The following TBXAS1 variants were observed in gnomAD, a reference collection of about 807,000 sequenced individuals.
TBXAS1 encodes the protein thromboxane-A synthase.
A neutral mutation model predicts 60.7 loss-of-function variants in TBXAS1; 48 were observed. The observed-to-expected ratio is 0.79, with a 90% confidence interval of 0.63 to 1.01. The LOEUF (loss-of-function observed/expected upper bound fraction) is 1.01, where lower values mean the gene tolerates loss of function less well. TBXAS1 is among the 50% of genes least tolerant of loss of function. The pLI is 0.00. For synonymous variants in TBXAS1, 287 were observed against 269.7 expected (o/e 1.06, Z -0.63); for missense variants, 685 against 686.3 (o/e 1.00, Z 0.02).
At chr7:139,954,774 C>T (rs1245604913) in intron 6 of TBXAS1, among the ~76,000 whole-genome samples, 1 of 152,142 alleles carries the variant, frequency 6.6e-6, no homozygotes, top group Non-Finnish European at 1.5e-5. Context: ...TTCTGGAGCT[C>T]CTGCCAGACA....
chr7:139,833,468 A>T (rs747130293), intron 1 of TBXAS1, among the ~76,000 whole-genome samples: 1 of 144,382 alleles, frequency 6.9e-6, no homozygotes, highest in Non-Finnish European at 1.5e-5. Context: ...GTTCGTGACC[A>T]GTGTGGCCAA....
intron 8 of TBXAS1, 101 bp from the exon 9 acceptor site, chr7:139,961,817 TC>T: frequency 6.9e-7 from 1 of 1,448,902 alleles, no homozygotes; most frequent in Non-Finnish European, 9.5e-7. Flanking sequence ...ACTGAGCTCT[TC>T]AAAAGCTATG....
intron 4 of TBXAS1, among the ~76,000 whole-genome samples, chr7:139,932,683 T>C (rs1226314862): frequency 6.6e-6 from 1 of 152,228 alleles, no homozygotes; most frequent in Non-Finnish European, 1.5e-5. Flanking sequence ...AACTATTTCT[T>C]AAATGACATG....
chr7:139,901,442 G>T (rs1304709565), intron 3 of TBXAS1, among the ~76,000 whole-genome samples: 1 of 150,890 alleles, frequency 6.6e-6, no homozygotes, highest in Non-Finnish European at 1.5e-5. Flanking sequence ...TTATGCGTAA[G>T]ATTATTATGA....
chr7:139,897,315 G>T (rs916840439), intron 3 of TBXAS1, among the ~76,000 whole-genome samples: 3 of 147,138 alleles, frequency 2.0e-5, no homozygotes, highest in Non-Finnish European at 4.5e-5. Flanking sequence ...GGTATGATCA[G>T]GATTGGCTCT....
chr7:139,854,263 T>C (rs1800430135), intron 1 of TBXAS1, among the ~76,000 whole-genome samples: 1 of 152,090 alleles, frequency 6.6e-6, no homozygotes, highest in Non-Finnish European at 1.5e-5. Flanking sequence ...TGAAACGACA[T>C]GGCGTAACTA....
chr7:139,997,436 C>T (rs73734170), intron 9 of TBXAS1, among the ~76,000 whole-genome samples: 4,828 of 152,220 alleles, frequency 0.032, 235 homozygotes, highest in African/African-American at 0.11. Flanking sequence ...AATTCAAAGA[C>T]TCGAATCTAG....
chr7:139,849,642 G>C (rs568887715), intron 1 of TBXAS1, among the ~76,000 whole-genome samples: 1 of 152,282 alleles, frequency 6.6e-6, no homozygotes, highest in African/African-American at 2.4e-5. Context: ...GACTGATGAC[G>C]GAGCATGAGC....
intron 1 of TBXAS1, among the ~76,000 whole-genome samples, chr7:139,846,785 A>G (rs73733580): frequency 0.033 from 5,003 of 152,288 alleles, 262 homozygotes; most frequent in African/African-American, 0.12. Flanking sequence ...AAAAATGCGT[A>G]TCAGACTTAG....
intron 4 of TBXAS1, among the ~76,000 whole-genome samples, chr7:139,795,692 A>G (rs926525206): frequency 1.5e-4 from 22 of 151,416 alleles, no homozygotes; most frequent in Admixed American, 1.4e-3. Context: ...TGATTTTTGT[A>G]TAAGGTGTAA....
Position 139,955,623 on chromosome 7 carries a change from G to GC in TBXAS1, c.688+19dup, listed in dbSNP as rs763940883. 3.1e-6 allele frequency: 5 copies of GC among 1,613,704 alleles called. No individual in the cohort carries two copies. The highest frequency in any genetic ancestry group is 4.2e-6 in the Non-Finnish European group (5 of 1,180,010). ...GTTTTACTCTGTAAGTGCGGCTGCA[G>GC]CCCGGGGCGCTGCGATGACTCCAGC... On this transcript the variant is annotated intron_variant, in intron 7 of 12. Transcript: ENST00000448866.
At chr7:139,788,299 A>G (rs943060858) in intron 4 of TBXAS1, among the ~76,000 whole-genome samples, 17 of 152,220 alleles carry the variant, frequency 1.1e-4, no homozygotes, top group Non-Finnish European at 2.4e-4. Context: ...TTATTCTGCT[A>G]TATCTGCATA....
chr7:139,912,754 C>T (rs1484589135), intron 4 of TBXAS1, among the ~76,000 whole-genome samples: 1 of 152,062 alleles, frequency 6.6e-6, no homozygotes, highest in Non-Finnish European at 1.5e-5. Context: ...AGAGAAAGTC[C>T]CCCTGCCTGT....
intron 4 of TBXAS1, among the ~76,000 whole-genome samples, chr7:139,803,800 T>C (rs1319749312): frequency 6.6e-6 from 1 of 152,156 alleles, no homozygotes; most frequent in Non-Finnish European, 1.5e-5. Context: ...TTTTACATGG[T>C]TTGAGCCTGC....
chr7:139,969,106 T>G (rs1329845203), intron 9 of TBXAS1, among the ~76,000 whole-genome samples: 1 of 152,206 alleles, frequency 6.6e-6, no homozygotes, highest in Non-Finnish European at 1.5e-5. Flanking sequence ...TTATGACCCA[T>G]TTTCCTTCTG....
intron 5 of TBXAS1, among the ~76,000 whole-genome samples, chr7:139,940,004 A>C (rs982716765): frequency 2.0e-5 from 3 of 152,340 alleles, no homozygotes; most frequent in Non-Finnish European, 2.9e-5. Context: ...CCGCGGAATC[A>C]ATGGCACCAG....
At chr7:139,983,754 A>C (rs1050330541) in intron 9 of TBXAS1, among the ~76,000 whole-genome samples, 1 of 152,264 alleles carries the variant, frequency 6.6e-6, no homozygotes, top group South Asian at 2.1e-4. Flanking sequence ...AGTTGTCATA[A>C]ACAAATTTCA....
chr7:139,785,689 T>G (rs2117231875), intron 3 of TBXAS1, among the ~76,000 whole-genome samples: 1 of 152,226 alleles, frequency 6.6e-6, no homozygotes, highest in South Asian at 2.1e-4. Context: ...ATACCATTGC[T>G]CAGAGATGTT....
chr7:139,876,379 G>A (rs1802236573), intron 3 of TBXAS1, among the ~76,000 whole-genome samples: 1 of 152,174 alleles, frequency 6.6e-6, no homozygotes, highest in Non-Finnish European at 1.5e-5. Context: ...TTCTCAACAT[G>A]TGTCTTTCCA....
Sources: gnomAD v4.1 joint callset for allele counts (sites outside exome capture counted in the v4.1 genomes callset) on GRCh38, gnomAD v4.1.1 for gene constraint, MANE v1.5 for transcripts, NCBI Gene and HGNC (gene_info 2026-07-23, HGNC 2026-07-21) for gene names.